Variants in LUZP1 observed in about 807,000 individuals in gnomAD.
LUZP1 encodes the protein filamin mechanobinding actin cross-linking protein.
LUZP1 carries 25 observed loss-of-function variants against 71.3 expected under a neutral mutation model. The observed-to-expected ratio is 0.35, with a 90% confidence interval of 0.26 to 0.49. The LOEUF is 0.49. LUZP1 is among the 20% of genes least tolerant of loss of function. The pLI is 0.99. For missense variants in LUZP1, 1,142 were observed against 1,300.8 expected, an observed-to-expected ratio of 0.88 and a Z score of 1.88; for synonymous variants, 481 against 506.4, an observed-to-expected ratio of 0.95 and a Z score of 0.67.
At chr1:23,174,039 C>T (rs920786480) in intron 1 of LUZP1, among the ~76,000 whole-genome samples, 5 of 151,806 alleles carry the variant, frequency 3.3e-5, no homozygotes, top group Non-Finnish European at 7.4e-5. Context: ...GAAACAGAAC[C>T]AATAGGAGTA....
At chr1:23,177,143 G>C (rs976351899) in intron 1 of LUZP1, among the ~76,000 whole-genome samples, 2 of 152,034 alleles carry the variant, frequency 1.3e-5, no homozygotes, top group Non-Finnish European at 2.9e-5. Flanking sequence ...CTCCCACCTC[G>C]GCCTCCCAAA....
chr1:23,088,808 T>C (rs905238402), exon 5 of LUZP1: 31 of 1,513,070 alleles, frequency 2.0e-5, no homozygotes, highest in South Asian at 4.0e-5. Context: ...TCTTGCCTGG[T>C]TAACTGGCCT....
At chr1:23,092,437 A>T in exon 4 of LUZP1, 1 of 1,614,226 alleles carries the variant, frequency 6.2e-7, no homozygotes, top group Non-Finnish European at 8.5e-7. Context: ...TGGCTTCTAC[A>T]GCTATAAGGA....
At chr1:23,091,157 G>GA in intron 4 of LUZP1, 33 bp downstream of exon 3, 1 of 1,557,634 alleles carries the variant, frequency 6.4e-7, no homozygotes, top group Non-Finnish European at 8.7e-7. Flanking sequence ...AAGGGAGGGA[G>GA]AAAAGAGAGA....
intron 1 of LUZP1, among the ~76,000 whole-genome samples, chr1:23,170,462 C>CTTTTTTTTTT (rs200073505): frequency 1.5e-3 from 190 of 127,296 alleles, no homozygotes; most frequent in Non-Finnish European, 2.0e-3. Context: ...CTTTTTCTTT[C>CTTTTTTTTTT]TTTTTTTTTT....
rs765687825 is a variant in LUZP1 at position 23,092,949 on chromosome 1, C to G, written c.1313G>C (p.Gly438Ala). 5 of 1,613,996 alleles carry G rather than the reference C, an allele frequency of 3.1e-6. No homozygotes were observed. The Admixed American group carries it at 8.3e-5, about 27-fold the overall frequency. Reference sequence around the variant, plus strand: ...CTGAGTCCCACTGTCTGTACTCACCCCCATGTGAGAAGCTTTTGCTGCCCT... The same window carrying G: ...CTGAGTCCCACTGTCTGTACTCACCGCCATGTGAGAAGCTTTTGCTGCCCT... Residue 438 changes from glycine to alanine, a missense_variant, in exon 4 of 5, where the codon GGG becomes GCG. Transcript: ENST00000302291.
chr1:23,152,013 A>G (rs540127762), intron 2 of LUZP1, among the ~76,000 whole-genome samples: 30 of 152,002 alleles, frequency 2.0e-4, no homozygotes, highest in Non-Finnish European at 3.4e-4. Flanking sequence ...AAAAAAAAAA[A>G]AAAAGAAAAG....
intron 1 of LUZP1, among the ~76,000 whole-genome samples, chr1:23,173,622 G>A (rs548612918): frequency 6.6e-6 from 1 of 152,184 alleles, no homozygotes; most frequent in South Asian, 2.1e-4. Flanking sequence ...CTCCCAAAGT[G>A]CTGGGATTAC....
intron 2 of LUZP1, among the ~76,000 whole-genome samples, chr1:23,143,958 C>T (rs1475372807): frequency 1.3e-5 from 2 of 152,190 alleles, no homozygotes; most frequent in South Asian, 2.1e-4. Context: ...CAGTATAATG[C>T]TTTATCTACC....
In LUZP1 at chr1:23,092,525, A is replaced by AG. The variant is rs1238416719; in HGVS notation, c.1736dup (p.Lys580Ter). On this transcript the variant is annotated frameshift_variant, in exon 4 of 5. Transcript: ENST00000302291. LOFTEE classifies it high-confidence loss of function. ...GGCCATTGGCAGCCTTTTTGCCTTTAGAGAGCCCTTCTGAGGAGGATCTTC... is the reference window on the plus strand; with the variant it reads ...GGCCATTGGCAGCCTTTTTGCCTTTAGGAGAGCCCTTCTGAGGAGGATCTTC... 6.2e-7 allele frequency: 1 copy of AG among 1,614,062 alleles called. No individual in the cohort carries two copies. Among genetic ancestry groups the AG allele is most frequent in the Non-Finnish European group, 8.5e-7 (1 of 1,180,036 alleles).
chr1:23,142,986 T>C (rs968472820), intron 2 of LUZP1, among the ~76,000 whole-genome samples: 19 of 151,954 alleles, frequency 1.3e-4, no homozygotes, highest in African/African-American at 4.6e-4. Flanking sequence ...CTGGGCTACA[T>C]GGTAAGACTT....
chr1:23,087,936 C>G (rs1409675893), exon 5 of LUZP1: 1 of 152,680 alleles, frequency 6.5e-6, no homozygotes, highest in Non-Finnish European at 1.5e-5. Context: ...AGTAGTCTCA[C>G]AGTCCATGCC....
At chr1:23,128,062 C>A (rs1319301875) in intron 2 of LUZP1, among the ~76,000 whole-genome samples, 2 of 151,806 alleles carry the variant, frequency 1.3e-5, no homozygotes, top group South Asian at 4.1e-4. Flanking sequence ...ACCTGGGAGG[C>A]GGAGGTTGCA....
chr1:23,091,843 T>C lies in LUZP1; in HGVS notation c.2419A>G (p.Arg807Gly), dbSNP rs568032709. 1.1e-4 allele frequency: 179 copies of C among 1,614,060 alleles called. No homozygotes were observed. Among genetic ancestry groups the C allele is most frequent in the Non-Finnish European group, 1.5e-4 (177 of 1,180,034 alleles). The change falls in exon 4 of 5, where the codon AGA (arginine) becomes GGA (glycine). Residue 807 changes from arginine (R) to glycine (G), a missense_variant. By Grantham distance (125) the Arg-to-Gly change is moderately radical (BLOSUM62 -2). Transcript: ENST00000302291. ...CTCAGGGCCTCACCCGGAGCAGCTC[T>C]GGGGCTGCTGCTGTCAGATGGATAT... is the stretch of plus-strand genomic sequence containing the variant.
At chr1:23,162,023 CAAAAAAA>C (rs377371342) in intron 2 of LUZP1, among the ~76,000 whole-genome samples, 3 of 59,510 alleles carry the variant, frequency 5.0e-5, no homozygotes, top group Non-Finnish European at 9.7e-5. Context: ...GAGACTGTCT[CAAAAAAA>C]AAAAAAAAAA....
At chr1:23,164,936 T>A (rs905152431) in intron 2 of LUZP1, among the ~76,000 whole-genome samples, 6 of 152,132 alleles carry the variant, frequency 3.9e-5, no homozygotes, top group African/African-American at 9.7e-5. Flanking sequence ...AGAAAAAAAA[T>A]AAAAAGTTCA....
chr1:23,114,875 T>A (rs2124650467), intron 2 of LUZP1, among the ~76,000 whole-genome samples: 1 of 152,250 alleles, frequency 6.6e-6, no homozygotes, highest in East Asian at 1.9e-4. Context: ...GCTTCATCAG[T>A]CAAACAAAAA....
chr1:23,136,417 T>C (rs1644253345), intron 2 of LUZP1, among the ~76,000 whole-genome samples: 1 of 151,858 alleles, frequency 6.6e-6, no homozygotes, highest in Non-Finnish European at 1.5e-5. Context: ...ATAGGTCCTG[T>C]AGTAAGAACA....
intron 2 of LUZP1, among the ~76,000 whole-genome samples, chr1:23,156,155 T>C (rs1481303159): frequency 6.6e-6 from 1 of 152,022 alleles, no homozygotes; most frequent in Non-Finnish European, 1.5e-5. Flanking sequence ...CCAAGGCAGG[T>C]GAATCACTTG....
Sources: gnomAD v4.1 joint callset for allele counts (sites outside exome capture counted in the v4.1 genomes callset) on GRCh38, gnomAD v4.1.1 for gene constraint, MANE v1.5 for transcripts, NCBI Gene and HGNC (gene_info 2026-07-23, HGNC 2026-07-21) for gene names.